The following FRMD4A variants were observed in gnomAD, a reference collection of about 807,000 sequenced individuals.
FRMD4A encodes FERM domain containing 4A.
Under a neutral mutation model 129.1 loss-of-function variants are expected in FRMD4A, and 29 were observed. That is an observed-to-expected ratio of 0.22 (90% CI 0.17 to 0.31). The LOEUF (loss-of-function observed/expected upper bound fraction) is 0.31, where lower values mean the gene tolerates loss of function less well. FRMD4A is among the 10% of genes least tolerant of loss of function. The pLI is 1.00. For missense variants in FRMD4A, 1,272 were observed against 1,375.8 expected, an observed-to-expected ratio of 0.92 and a Z score of 1.19; for synonymous variants, 634 against 571.6, an observed-to-expected ratio of 1.11 and a Z score of -1.56.
chr10:13,706,916 G>A, intron 13 of FRMD4A, 121 bp downstream of exon 13: 1 of 624,508 alleles, frequency 1.6e-6, no homozygotes, highest in South Asian at 1.9e-5. Flanking sequence ...TTCCCCAGGA[G>A]CCCCCACCCT....
chr10:13,909,564 G>T (rs1285534811), intron 2 of FRMD4A, among the ~76,000 whole-genome samples: 3 of 152,240 alleles, frequency 2.0e-5, no homozygotes, highest in African/African-American at 7.2e-5. Context: ...TGCAAAAGGT[G>T]TCAGATGTTC....
chr10:13,807,220 T>C (rs776032165), intron 4 of FRMD4A, among the ~76,000 whole-genome samples: 27 of 152,312 alleles, frequency 1.8e-4, no homozygotes, highest in Admixed American at 8.5e-4. Flanking sequence ...ATAATTTATA[T>C]AGATGACCAC....
intron 2 of FRMD4A, among the ~76,000 whole-genome samples, chr10:13,962,880 A>G (rs2095455053): frequency 6.6e-6 from 1 of 152,238 alleles, no homozygotes; most frequent in South Asian, 2.1e-4. Flanking sequence ...TCACTGAAAC[A>G]AAGAAAAGTG....
At chr10:13,721,955 C>T (rs1317433992) in intron 12 of FRMD4A, among the ~76,000 whole-genome samples, 1 of 152,154 alleles carries the variant, frequency 6.6e-6, no homozygotes, top group Non-Finnish European at 1.5e-5. Context: ...TTCAGTCAAA[C>T]GTGAGGACGG....
intron 2 of FRMD4A, among the ~76,000 whole-genome samples, chr10:13,969,749 G>GC (rs2095506616): frequency 7.2e-6 from 1 of 138,966 alleles, no homozygotes; most frequent in Admixed American, 7.5e-5. Context: ...GGGAGGCTGA[G>GC]GTGGGAGGAT....
intron 4 of FRMD4A, among the ~76,000 whole-genome samples, chr10:13,809,909 G>T (rs1264152581): frequency 1.3e-5 from 2 of 152,228 alleles, no homozygotes; most frequent in Non-Finnish European, 2.9e-5. Flanking sequence ...GGGACACCTG[G>T]TTGCCTCTCT....
At position 13,827,968 on chromosome 10, in the gene FRMD4A, C is replaced by T. The variant is rs1015740913; in HGVS notation, c.112-17060G>A. 6.2e-4 allele frequency among the ~76,000 whole-genome samples: 94 copies of T among 152,202 alleles called. 6 individuals carry two copies. On this transcript the variant is annotated intron_variant, in intron 3 of 24. Coordinates refer to ENST00000357447, the MANE Select transcript of FRMD4A (RefSeq NM_018027.5). ...CTCTACTGCCCAAATACCATTTATG[C>T]AAGACCCCGCTCTGTAGCCCCTCTG...
rs2093632078 is a variant in FRMD4A, at chr10:13,821,718, C to T, written c.112-10810G>A. Among the ~76,000 whole-genome samples the T allele has an allele frequency of 6.6e-6, 1 of 152,210 alleles. No individual in the cohort carries two copies. The highest frequency in any genetic ancestry group is 2.1e-4 in the South Asian group (1 of 4,830). Reference sequence around the variant, plus strand: ...AACTCGCCAAATTCACACAGCGAATCAGTGGGAGAACTGAACCGCGGCACA... The same window carrying T: ...AACTCGCCAAATTCACACAGCGAATTAGTGGGAGAACTGAACCGCGGCACA... On this transcript the variant is annotated intron_variant, in intron 3 of 24. Coordinates refer to ENST00000357447, the MANE Select transcript of FRMD4A (RefSeq NM_018027.5). The surrounding 1 kb of genome is among the most constrained non-coding windows in gnomAD (Gnocchi z 4.3).
chr10:13,986,957 C>T (rs1308631693), intron 2 of FRMD4A, among the ~76,000 whole-genome samples: 1 of 152,024 alleles, frequency 6.6e-6, no homozygotes, highest in Non-Finnish European at 1.5e-5. Flanking sequence ...CATGGAAAAA[C>T]ATGTCTGTAG....
chr10:13,785,675 G>T (rs1010861308), intron 5 of FRMD4A, among the ~76,000 whole-genome samples: 1 of 151,956 alleles, frequency 6.6e-6, no homozygotes, highest in South Asian at 2.1e-4. Flanking sequence ...ACAACGTGCA[G>T]GTTTGTTACG....
intron 15 of FRMD4A, among the ~76,000 whole-genome samples, chr10:13,689,543 A>G (rs2085464699): frequency 1.0e-5 from 1 of 96,842 alleles, no homozygotes; most frequent in Non-Finnish European, 2.1e-5. Context: ...CATAGATTAG[A>G]AGATTCTTTT....
chr10:14,062,955 T>A (rs1380772294), intron 2 of FRMD4A, among the ~76,000 whole-genome samples: 1 of 152,210 alleles, frequency 6.6e-6, no homozygotes, highest in East Asian at 1.9e-4. Context: ...ATGTTTTAAA[T>A]CCTAGTGGTT....
chr10:14,184,090 T>G (rs1841994289), intron 2 of FRMD4A, among the ~76,000 whole-genome samples: 1 of 151,610 alleles, frequency 6.6e-6, no homozygotes, highest in Admixed American at 6.6e-5. Flanking sequence ...CGCTTACATC[T>G]TAACACATTT....
chr10:13,961,873 T>C (rs1175248142), intron 2 of FRMD4A, among the ~76,000 whole-genome samples: 1 of 152,182 alleles, frequency 6.6e-6, no homozygotes, highest in Non-Finnish European at 1.5e-5. Context: ...CTTAGCTCAA[T>C]GTCTAGCACA....
At chr10:14,330,456 C>T in intron 1 of FRMD4A, 141 bp downstream of exon 1, 1 of 402,324 alleles carries the variant, frequency 2.5e-6, no homozygotes, top group Non-Finnish European at 4.4e-6. Context: ...GCTACCTTCG[C>T]CCTGGCAGCA....
At chr10:14,021,949 C>CAT (rs1832777066) in intron 2 of FRMD4A, among the ~76,000 whole-genome samples, 2 of 151,210 alleles carry the variant, frequency 1.3e-5, no homozygotes, top group Non-Finnish European at 3.0e-5. Context: ...GAGATTTCTG[C>CAT]GTTTTTTTTT....
intron 2 of FRMD4A, among the ~76,000 whole-genome samples, chr10:14,089,344 A>G (rs944578239): frequency 1.3e-4 from 20 of 152,086 alleles, no homozygotes; most frequent in African/African-American, 3.6e-4. Flanking sequence ...GGCCCAGCCC[A>G]CCAGCCCCGC....
intron 2 of FRMD4A, chr10:14,097,209 C>A (rs1837025949): frequency 6.9e-6 from 1 of 145,912 alleles, no homozygotes; most frequent in African/African-American, 2.6e-5. Context: ...GACATCCTGG[C>A]ATATATGCTA....
intron 2 of FRMD4A, among the ~76,000 whole-genome samples, chr10:14,134,735 A>G (rs11258886): frequency 0.32 from 48,248 of 151,998 alleles, 7,930 homozygotes; most frequent in East Asian, 0.55. Context: ...GGATAAGTGG[A>G]TGGGTGAGTG....
Sources: allele counts gnomAD v4.1 joint callset (sites outside exome capture counted in the v4.1 genomes callset), GRCh38; gene constraint gnomAD v4.1.1; non-coding constraint Gnocchi (gnomAD v3.1); transcripts MANE v1.5; gene names NCBI Gene and HGNC (gene_info 2026-07-23, HGNC 2026-07-21).